NLGN4Y: variants seen among roughly 807,000 people sequenced by gnomAD.
NLGN4Y encodes neuroligin 4 Y-linked.
NLGN4Y carries 4 observed loss-of-function variants against 8.4 expected under a neutral mutation model. The observed-to-expected ratio is 0.48, with a 90% confidence interval of 0.23 to 1.09. The LOEUF (loss-of-function observed/expected upper bound fraction) is 1.09, where lower values mean the gene tolerates loss of function less well. Ranked by LOEUF, NLGN4Y falls within the 50% of genes least tolerant of loss-of-function variation. The pLI is 0.19. For missense variants in NLGN4Y, 90 were observed against 192.3 expected, an observed-to-expected ratio of 0.47 and a Z score of 3.15; for synonymous variants, 35 against 75.6, an observed-to-expected ratio of 0.46 and a Z score of 2.78.
intron 4 of NLGN4Y, among the ~76,000 whole-genome samples, chrY:14,795,483 A>G (rs2150581267): frequency 6.0e-5 from 2 of 33,105 alleles, no homozygotes; most frequent in East Asian, 1.6e-3. Context: ...TAAATTGGAT[A>G]GGCTGTAATT....
intron 4 of NLGN4Y, among the ~76,000 whole-genome samples, chrY:14,731,666 G>A (rs962580674): frequency 3.1e-5 from 1 of 32,713 alleles, no homozygotes; most frequent in Non-Finnish European, 7.5e-5. Flanking sequence ...AGTAAATTTG[G>A]GAAGATAAAG....
At chrY:14,674,481 A>T in intron 2 of NLGN4Y, among the ~76,000 whole-genome samples, 1 of 31,722 alleles carries the variant, frequency 3.2e-5, no homozygotes, top group Non-Finnish European at 7.6e-5. Context: ...TAATAGCAGC[A>T]CTTATAATAA....
intron 1 of NLGN4Y, among the ~76,000 whole-genome samples, chrY:14,571,955 A>G: frequency 3.2e-5 from 1 of 31,408 alleles, no homozygotes; most frequent in Non-Finnish European, 7.7e-5. Context: ...CCATTGGTTT[A>G]TATCTCTGTT....
chrY:14,649,560 T>A (rs2080621975), intron 2 of NLGN4Y, among the ~76,000 whole-genome samples: 1 of 33,173 alleles, frequency 3.0e-5, no homozygotes, highest in African/African-American at 1.2e-4. Context: ...CTTCTATGCA[T>A]GGGTAATAGT....
intron 4 of NLGN4Y, among the ~76,000 whole-genome samples, chrY:14,778,873 A>AT (rs2081136773): frequency 3.0e-5 from 1 of 33,000 alleles, no homozygotes; most frequent in Non-Finnish European, 7.4e-5. Flanking sequence ...ACAACAAATT[A>AT]TTTTTATTGA....
chrY:14,559,453 A>G, intron 1 of NLGN4Y, among the ~76,000 whole-genome samples: 1 of 33,400 alleles, frequency 3.0e-5, no homozygotes, highest in African/African-American at 1.2e-4. Flanking sequence ...AAAGAAGTAT[A>G]TTTTGGGGTA....
At chrY:14,720,620 T>G (rs776487735) in intron 3 of NLGN4Y, among the ~76,000 whole-genome samples, 26 of 33,572 alleles carry the variant, frequency 7.7e-4, no homozygotes, top group African/African-American at 3.0e-3. Flanking sequence ...AAGTGAGTGT[T>G]GCATTATCCT....
intron 4 of NLGN4Y, among the ~76,000 whole-genome samples, chrY:14,763,699 G>C: frequency 6.0e-5 from 2 of 33,558 alleles, no homozygotes; most frequent in Non-Finnish European, 1.5e-4. Flanking sequence ...TCCATGGTCA[G>C]CAGAAAATTC....
intron 1 of NLGN4Y, among the ~76,000 whole-genome samples, chrY:14,589,281 G>C: frequency 9.0e-5 from 3 of 33,233 alleles, no homozygotes; most frequent in Non-Finnish European, 2.2e-4. Context: ...TCGACACACA[G>C]GTTCTCCAAG....
intron 2 of NLGN4Y, among the ~76,000 whole-genome samples, chrY:14,654,338 GTATCTGTTTGTTTTAAATA>G (rs2080641103): frequency 3.1e-5 from 1 of 32,625 alleles, no homozygotes; most frequent in Non-Finnish European, 7.5e-5. Flanking sequence ...TCCTGTTCGT[GTATCTGTTTGTTTTAAATA>G]TATCTGTTTT....
At chrY:14,760,463 A>G (rs2081076322) in intron 4 of NLGN4Y, among the ~76,000 whole-genome samples, 2 of 33,060 alleles carry the variant, frequency 6.0e-5, no homozygotes, top group African/African-American at 2.4e-4. Context: ...ATATTGGTGA[A>G]GCGGGAACTA....
chrY:14,626,109 G>A lies in NLGN4Y; in HGVS notation c.472+3518G>A. Among the ~76,000 whole-genome samples, 4 of 33,924 alleles carry A rather than the reference G, an allele frequency of 1.2e-4. No individual in the cohort carries two copies. In the South Asian group the frequency reaches 2.6e-3, roughly 22 times the overall value. 91.0% of individuals were successfully genotyped at this position (33,924 alleles called of 37,273 possible). A position where few individuals can be genotyped will look rare whatever the true frequency, so the allele number is the denominator to read the frequency against. On this transcript the variant is annotated intron_variant, in intron 2 of 6. Coordinates refer to ENST00000684976, the MANE Select transcript of NLGN4Y (RefSeq NM_001365588.1). Reference sequence around the variant, plus strand: ...TCTTCATAAAGGTGTGTCCGGAATTGGTGGGTTCTTGGTCTCACTGACTTC... The same window carrying A: ...TCTTCATAAAGGTGTGTCCGGAATTAGTGGGTTCTTGGTCTCACTGACTTC...
chrY:14,815,096 G>A, intron 4 of NLGN4Y, among the ~76,000 whole-genome samples: 1 of 32,664 alleles, frequency 3.1e-5, no homozygotes, highest in East Asian at 8.1e-4. Context: ...TGCCTTGGCT[G>A]AGTAGACAGA....
At chrY:14,799,216 A>C in intron 4 of NLGN4Y, among the ~76,000 whole-genome samples, 1 of 33,724 alleles carries the variant, frequency 3.0e-5, no homozygotes, top group Admixed American at 2.7e-4. Flanking sequence ...TTAGATAATG[A>C]TTAACTCAAG....
intron 2 of NLGN4Y, among the ~76,000 whole-genome samples, chrY:14,682,915 C>T (rs771055587): frequency 3.0e-5 from 1 of 32,964 alleles, no homozygotes; most frequent in South Asian, 6.8e-4. Context: ...AGTAGAATTG[C>T]TTGACCCTGA....
intron 2 of NLGN4Y, chrY:14,640,400 C>G: frequency 1.2e-5 from 1 of 83,793 alleles, no homozygotes; most frequent in African/African-American, 1.1e-4. Context: ...ATACTTTAGG[C>G]CACCAGCAGG....
intron 4 of NLGN4Y, among the ~76,000 whole-genome samples, chrY:14,822,041 G>A: frequency 3.0e-5 from 1 of 33,572 alleles, no homozygotes; most frequent in Admixed American, 2.7e-4. Context: ...GATGAAAGGA[G>A]TATACTCTTG....
chrY:14,542,432 G>A (rs1342381020), intron 1 of NLGN4Y, among the ~76,000 whole-genome samples: 1 of 33,168 alleles, frequency 3.0e-5, no homozygotes, highest in East Asian at 8.0e-4. Context: ...CTTGAACTCC[G>A]CTCTGGATCA....
chrY:14,704,419 A>G (rs2080868098), intron 2 of NLGN4Y, among the ~76,000 whole-genome samples: 1 of 33,421 alleles, frequency 3.0e-5, no homozygotes, highest in Non-Finnish European at 7.4e-5. Flanking sequence ...TGAGATAATC[A>G]TATGGTTTTT....
Sources: gnomAD v4.1 joint callset for allele counts (sites outside exome capture counted in the v4.1 genomes callset) on GRCh38, gnomAD v4.1.1 for gene constraint, MANE v1.5 for transcripts, NCBI Gene and HGNC (gene_info 2026-07-23, HGNC 2026-07-21) for gene names.